The following FOXN2 variants were observed in gnomAD, a reference collection of about 807,000 sequenced individuals.
FOXN2 encodes forkhead box N2, also known as forkhead box protein N2.
A neutral mutation model predicts 41.2 loss-of-function variants in FOXN2; 19 were observed. That is an observed-to-expected ratio of 0.46 (90% CI 0.32 to 0.68). FOXN2 has a LOEUF of 0.68. Among genes scored for constraint, FOXN2 ranks in the 30% least tolerant of loss-of-function variants. The pLI is 0.03. For synonymous variants in FOXN2, 195 were observed against 176.8 expected (o/e 1.10, Z -0.82); for missense variants, 587 against 509.4 (o/e 1.15, Z -1.47).
intron 2 of FOXN2, among the ~76,000 whole-genome samples, chr2:48,333,082 G>C (rs1670115236): frequency 6.6e-6 from 1 of 151,894 alleles, no homozygotes; most frequent in South Asian, 2.1e-4. Flanking sequence ...ATATCTCCTA[G>C]TGTTATGTAT....
upstream of FOXN2, among the ~76,000 whole-genome samples, chr2:48,314,216 A>G (rs1668729163): frequency 1.3e-5 from 2 of 152,254 alleles, no homozygotes; most frequent in Admixed American, 1.3e-4. Flanking sequence ...GGGCACAGGC[A>G]CCGAGGGCCG....
intron 3 of FOXN2, among the ~76,000 whole-genome samples, chr2:48,349,653 T>A (rs926686637): frequency 1.3e-5 from 2 of 152,178 alleles, no homozygotes; most frequent in African/African-American, 4.8e-5. Flanking sequence ...CATATGCCTG[T>A]AATCCCAGCT....
upstream of FOXN2, among the ~76,000 whole-genome samples, chr2:48,314,096 G>C (rs1305449354): frequency 1.3e-5 from 2 of 152,202 alleles, no homozygotes; most frequent in South Asian, 2.1e-4. Flanking sequence ...ACTACTTTAA[G>C]TTACAGCAAT....
At chr2:48,318,367 A>G (rs770346393) in intron 1 of FOXN2, among the ~76,000 whole-genome samples, 2 of 152,146 alleles carry the variant, frequency 1.3e-5, no homozygotes, top group Non-Finnish European at 2.9e-5. Flanking sequence ...ATATCCCTCA[A>G]TTGAGATTTA....
At chr2:48,362,792 A>G in intron 5 of FOXN2, 85 bp downstream of exon 5, 3 of 1,144,280 alleles carry the variant, frequency 2.6e-6, no homozygotes, top group African/African-American at 3.1e-5. Flanking sequence ...GTGGTCCCCT[A>G]AGATTATAAT....
chr2:48,333,220 A>C (rs1572711977), intron 2 of FOXN2, among the ~76,000 whole-genome samples: 1 of 152,158 alleles, frequency 6.6e-6, no homozygotes, highest in Non-Finnish European at 1.5e-5. Context: ...AGCCTCTTAG[A>C]AAAGAACCAG....
intron 1 of FOXN2, among the ~76,000 whole-genome samples, chr2:48,327,293 C>T (rs1031466182): frequency 6.6e-6 from 1 of 152,160 alleles, no homozygotes; most frequent in African/African-American, 2.4e-5. Flanking sequence ...CATCCACTCA[C>T]TTGCTAACCA....
intron 3 of FOXN2, among the ~76,000 whole-genome samples, chr2:48,354,659 T>C (rs1671671383): frequency 6.6e-6 from 1 of 152,254 alleles, no homozygotes; most frequent in African/African-American, 2.4e-5. Flanking sequence ...ACAGGCTGTT[T>C]AGCTTTTGCT....
chr2:48,355,431 G>T (rs752711517), intron 3 of FOXN2, among the ~76,000 whole-genome samples: 1 of 152,122 alleles, frequency 6.6e-6, no homozygotes, highest in African/African-American at 2.4e-5. Context: ...CTATCACCAC[G>T]AGTCAGGGTG....
chr2:48,342,993 A>T (rs1360764356), intron 2 of FOXN2, among the ~76,000 whole-genome samples: 1 of 152,190 alleles, frequency 6.6e-6, no homozygotes, highest in Non-Finnish European at 1.5e-5. Flanking sequence ...CAACCATTTA[A>T]ATTACTTATG....
intron 4 of FOXN2, 23 bp from the exon 5 acceptor site, chr2:48,362,620 T>C (rs753696441): frequency 5.6e-6 from 9 of 1,605,674 alleles, no homozygotes; most frequent in Non-Finnish European, 6.8e-6. Context: ...ATAAGCATAT[T>C]TGCTTTTCTG....
At chr2:48,337,916 A>G (rs1372757678) in intron 2 of FOXN2, among the ~76,000 whole-genome samples, 1 of 152,232 alleles carries the variant, frequency 6.6e-6, no homozygotes, top group Non-Finnish European at 1.5e-5. Flanking sequence ...AGTATTTGAT[A>G]TAGAAAGCAG....
chr2:48,325,872 G>A (rs1156940783), intron 1 of FOXN2, among the ~76,000 whole-genome samples: 4 of 124,198 alleles, frequency 3.2e-5, no homozygotes, highest in African/African-American at 6.3e-5. Context: ...TTTTTGAGAC[G>A]AAGTTTTCCT....
intron 1 of FOXN2, among the ~76,000 whole-genome samples, chr2:48,328,172 A>G (rs1669804287): frequency 1.3e-5 from 2 of 152,344 alleles, no homozygotes; most frequent in Admixed American, 1.3e-4. Context: ...TTCAAATGCC[A>G]ACCAGATTTG....
At chr2:48,313,685 C>T (rs1668693558), upstream of FOXN2, among the ~76,000 whole-genome samples, 1 of 152,220 alleles carries the variant, frequency 6.6e-6, no homozygotes, top group Non-Finnish European at 1.5e-5. Flanking sequence ...TGCCACTTCT[C>T]ATACCTTTGA....
chr2:48,370,518 A>C (rs1157955487), intron 5 of FOXN2, among the ~76,000 whole-genome samples: 1 of 152,074 alleles, frequency 6.6e-6, no homozygotes, highest in Admixed American at 6.6e-5. Flanking sequence ...TCTATATTTA[A>C]AATTGTAACC....
intron 1 of FOXN2, among the ~76,000 whole-genome samples, chr2:48,319,258 T>C (rs1430073070): frequency 7.1e-6 from 1 of 140,984 alleles, no homozygotes; most frequent in Admixed American, 6.9e-5. Flanking sequence ...TACATATTTA[T>C]GGAAAAAAAA....
chr2:48,365,744 G>T (rs1008353764), intron 5 of FOXN2, among the ~76,000 whole-genome samples: 1 of 152,134 alleles, frequency 6.6e-6, no homozygotes, highest in Non-Finnish European at 1.5e-5. Flanking sequence ...TGGGGAGGTC[G>T]TTGGCATTCT....
intron 5 of FOXN2, among the ~76,000 whole-genome samples, chr2:48,365,180 G>A (rs1024328684): frequency 6.6e-6 from 1 of 152,144 alleles, no homozygotes. Flanking sequence ...ATACTAAACT[G>A]AGCCTCAGAA....
Sources: gnomAD v4.1 joint callset for allele counts (sites outside exome capture counted in the v4.1 genomes callset) on GRCh38, gnomAD v4.1.1 for gene constraint, MANE v1.5 for transcripts, NCBI Gene and HGNC (gene_info 2026-07-23, HGNC 2026-07-21) for gene names.